RCAN2: variants seen among roughly 807,000 people sequenced by gnomAD.
RCAN2 encodes the protein calcipressin-2.
A neutral mutation model predicts 23.6 loss-of-function variants in RCAN2; 9 were observed. The ratio of observed to expected loss-of-function variants is 0.38; its 90% CI spans 0.23 to 0.67. The LOEUF (loss-of-function observed/expected upper bound fraction) is 0.67. RCAN2 is among the 30% of genes least tolerant of loss of function. RCAN2 has a pLI of 0.51. For synonymous variants in RCAN2, 109 were observed against 115.7 expected (o/e 0.94, Z 0.37); for missense variants, 273 against 302.3 (o/e 0.90, Z 0.72).
chr6:46,403,793 T>C lies in RCAN2; in HGVS notation c.225+52959A>G, dbSNP rs566078826. ...GTGAGTTATTAATAGTAAAAAACGTTTTACAAAAAAAAGTTTTATAAAAAA... is the reference window on the plus strand; with the variant it reads ...GTGAGTTATTAATAGTAAAAAACGTCTTACAAAAAAAAGTTTTATAAAAAA... On this transcript the variant is annotated intron_variant, in intron 2 of 4. Coordinates refer to ENST00000371374, the MANE Select transcript of RCAN2 (RefSeq NM_001251974.2). Among the ~76,000 whole-genome samples the C allele has an allele frequency of 3.3e-5, 5 of 152,254 alleles. No individual in the cohort carries two copies. In the East Asian group the frequency reaches 9.7e-4, roughly 29 times the overall value.
intron 2 of RCAN2, among the ~76,000 whole-genome samples, chr6:46,279,511 C>A (rs115502861): frequency 0.024 from 3,679 of 152,282 alleles, 144 homozygotes; most frequent in African/African-American, 0.08. Context: ...ATTGTGACAA[C>A]GTGTTTGCAG....
intron 2 of RCAN2, among the ~76,000 whole-genome samples, chr6:46,310,046 G>C (rs1763205462): frequency 6.6e-6 from 1 of 152,010 alleles, no homozygotes; most frequent in Non-Finnish European, 1.5e-5. Context: ...CCCATCCCTG[G>C]TAGACTAAGA....
intron 2 of RCAN2, among the ~76,000 whole-genome samples, chr6:46,287,455 C>G (rs1762411480): frequency 6.6e-6 from 1 of 152,186 alleles, no homozygotes; most frequent in Admixed American, 6.5e-5. Flanking sequence ...CTTTTTCCCT[C>G]TGTGCTACCC....
chr6:46,314,480 A>AT (rs1054137636), intron 2 of RCAN2, among the ~76,000 whole-genome samples: 6 of 151,878 alleles, frequency 4.0e-5, no homozygotes, highest in African/African-American at 7.3e-5. Flanking sequence ...GAATACAGAG[A>AT]TTTTTTAGGA....
intron 2 of RCAN2, among the ~76,000 whole-genome samples, chr6:46,449,425 A>G (rs1179306350): frequency 6.6e-6 from 1 of 151,450 alleles, no homozygotes; most frequent in Non-Finnish European, 1.5e-5. Flanking sequence ...TTCATACTAC[A>G]GAAAGTAATC....
intron 2 of RCAN2, among the ~76,000 whole-genome samples, chr6:46,258,852 A>G (rs1418549285): frequency 6.6e-6 from 1 of 152,208 alleles, no homozygotes; most frequent in Non-Finnish European, 1.5e-5. Flanking sequence ...ACAAACAAAC[A>G]AACAAAATAA....
chr6:46,298,205 T>C (rs1272902218), intron 2 of RCAN2, among the ~76,000 whole-genome samples: 1 of 152,116 alleles, frequency 6.6e-6, no homozygotes, highest in Non-Finnish European at 1.5e-5. Context: ...AATAATTAAC[T>C]TATAAAAGTA....
intron 2 of RCAN2, chr6:46,325,471 G>T: frequency 6.2e-7 from 1 of 1,614,016 alleles, no homozygotes. Context: ...CCATGCTAGG[G>T]GCTGGCATTC....
At chr6:46,396,180 C>T (rs1011346895) in intron 2 of RCAN2, among the ~76,000 whole-genome samples, 7 of 151,992 alleles carry the variant, frequency 4.6e-5, no homozygotes, top group African/African-American at 1.7e-4. Flanking sequence ...TTTTTTTGGT[C>T]TGAATCTTGG....
intron 2 of RCAN2, among the ~76,000 whole-genome samples, chr6:46,404,918 T>C (rs1766353975): frequency 6.6e-6 from 1 of 152,160 alleles, no homozygotes. Context: ...TTCTCATGAG[T>C]GTATTGTAAA....
intron 2 of RCAN2, among the ~76,000 whole-genome samples, chr6:46,358,905 A>G (rs1265147985): frequency 6.6e-6 from 1 of 152,190 alleles, no homozygotes; most frequent in Non-Finnish European, 1.5e-5. Context: ...TCCAATATGC[A>G]GCCAGGGTGG....
Position 46,314,522 on chromosome 6 carries a change from CA to C in RCAN2, c.226-65627del, listed in dbSNP as rs879443019. Among the ~76,000 whole-genome samples, 955 of 141,806 alleles carry C rather than the reference CA, an allele frequency of 6.7e-3. 4 individuals carry two copies. Among genetic ancestry groups the C allele is most frequent in the Admixed American group, 0.012 (168 of 14,228 alleles). The allele number at this position is 141,806 out of a possible 152,430, so 93.0% of individuals were successfully genotyped here. ...GCCTCCTAAGCAAAAAAACAAAAAACAAAAAAAAAAACTGAACTCAGTTGGG... is the reference window on the plus strand; with the variant it reads ...GCCTCCTAAGCAAAAAAACAAAAAACAAAAAAAAAACTGAACTCAGTTGGG... On this transcript the variant is annotated intron_variant, in intron 2 of 4. Transcript: ENST00000371374.
chr6:46,340,109 A>C (rs1764263722), intron 2 of RCAN2, among the ~76,000 whole-genome samples: 1 of 152,224 alleles, frequency 6.6e-6, no homozygotes, highest in Non-Finnish European at 1.5e-5. Flanking sequence ...AAGATAAGCT[A>C]ATCACATCTT....
chr6:46,329,726 C>T (rs1427796346), intron 2 of RCAN2, among the ~76,000 whole-genome samples: 1 of 152,130 alleles, frequency 6.6e-6, no homozygotes, highest in Non-Finnish European at 1.5e-5. Context: ...GTGTCCTTTC[C>T]AGCTGAAGTG....
intron 4 of RCAN2, among the ~76,000 whole-genome samples, chr6:46,242,659 G>A (rs1029873849): frequency 6.6e-6 from 1 of 152,252 alleles, no homozygotes; most frequent in South Asian, 2.1e-4. Context: ...CATGCAATTA[G>A]TTATAATTTG....
chr6:46,328,981 C>T (rs1289049200), intron 2 of RCAN2, among the ~76,000 whole-genome samples: 1 of 152,126 alleles, frequency 6.6e-6, no homozygotes, highest in African/African-American at 2.4e-5. Context: ...TACACTTTGG[C>T]CAATGGCTAC....
intron 2 of RCAN2, among the ~76,000 whole-genome samples, chr6:46,374,652 A>G (rs1765412178): frequency 6.6e-6 from 1 of 152,210 alleles, no homozygotes; most frequent in Non-Finnish European, 1.5e-5. Context: ...TGACAATGAA[A>G]ATAAACAAAA....
intron 2 of RCAN2, among the ~76,000 whole-genome samples, chr6:46,391,040 G>A (rs1765917754): frequency 6.6e-6 from 1 of 152,168 alleles, no homozygotes; most frequent in Non-Finnish European, 1.5e-5. Flanking sequence ...CTGTGTCAGA[G>A]GGGAGAGGTG....
At position 46,405,912 on chromosome 6, in the gene RCAN2, C is replaced by T. The variant is rs374626881; in HGVS notation, c.225+50840G>A. ...GCTGCAGGTCCCGAGCCCTGCCCCG[C>T]GGGAAGGCAGCTAAGGCCTGGCAAG... On this transcript the variant is annotated intron_variant, in intron 2 of 4. Transcript: ENST00000371374. Among the ~76,000 whole-genome samples, 22 of 152,312 alleles carry T rather than the reference C, an allele frequency of 1.4e-4. No homozygotes were observed. The East Asian group carries it at 3.9e-3, about 27-fold the overall frequency.
Sources: allele counts gnomAD v4.1 joint callset (sites outside exome capture counted in the v4.1 genomes callset), GRCh38; gene constraint gnomAD v4.1.1; transcripts MANE v1.5; gene names NCBI Gene and HGNC (gene_info 2026-07-23, HGNC 2026-07-21).